Variants in ANKS1B observed in about 807,000 individuals in gnomAD.
ANKS1B encodes the protein ankyrin repeat and sterile alpha motif domain containing 1B.
A neutral mutation model predicts 148.3 loss-of-function variants in ANKS1B; 36 were observed. The observed-to-expected ratio is 0.24, with a 90% confidence interval of 0.19 to 0.32. ANKS1B has a LOEUF of 0.32. Ranked by LOEUF, ANKS1B falls within the 10% of genes least tolerant of loss-of-function variation. ANKS1B has a pLI of 1.00. For missense variants in ANKS1B, 1,157 were observed against 1,542.6 expected (o/e 0.75, Z 4.19); for synonymous variants, 542 against 560.8 (o/e 0.97, Z 0.47).
intron 12 of ANKS1B, among the ~76,000 whole-genome samples, chr12:99,392,748 A>G (rs2094117269): frequency 6.6e-6 from 1 of 152,162 alleles, no homozygotes; most frequent in Admixed American, 6.5e-5. Flanking sequence ...ATTCACTCAC[A>G]ATAGGCTGAG....
chr12:98,993,689 T>C (rs1345726060), intron 17 of ANKS1B, among the ~76,000 whole-genome samples: 2 of 152,210 alleles, frequency 1.3e-5, no homozygotes, highest in African/African-American at 2.4e-5. Flanking sequence ...TTATTCTTCA[T>C]GTGTGATATA....
intron 15 of ANKS1B, among the ~76,000 whole-genome samples, chr12:99,120,962 AGCGTATC>A (rs2062653036): frequency 6.6e-6 from 1 of 152,210 alleles, no homozygotes; most frequent in Non-Finnish European, 1.5e-5. Context: ...GGGCTAGTAA[AGCGTATC>A]GCATATTAAG....
At chr12:99,073,642 C>G (rs1181149799) in intron 16 of ANKS1B, among the ~76,000 whole-genome samples, 1 of 152,092 alleles carries the variant, frequency 6.6e-6, no homozygotes, top group Non-Finnish European at 1.5e-5. Context: ...CTGCTGCAAC[C>G]CTTCCTTCTA....
chr12:99,313,250 C>CA (rs1038831574), intron 12 of ANKS1B, among the ~76,000 whole-genome samples: 48 of 152,036 alleles, frequency 3.2e-4, no homozygotes, highest in African/African-American at 1.2e-3. Flanking sequence ...AGACCAATAA[C>CA]AGTTTGAAAT....
chr12:99,931,378 GA>G (rs1171782882), intron 1 of ANKS1B, among the ~76,000 whole-genome samples: 1 of 151,822 alleles, frequency 6.6e-6, no homozygotes, highest in Non-Finnish European at 1.5e-5. Flanking sequence ...ATGACAGAGG[GA>G]TTACCAAAAC....
intron 17 of ANKS1B, among the ~76,000 whole-genome samples, chr12:98,841,689 G>A (rs1283070686): frequency 2.0e-5 from 3 of 151,984 alleles, no homozygotes; most frequent in Non-Finnish European, 2.9e-5. Context: ...AGGATGTTAA[G>A]GTTAAAAGAA....
At chr12:98,821,830 A>C in intron 19 of ANKS1B, among the ~76,000 whole-genome samples, 1 of 148,568 alleles carries the variant, frequency 6.7e-6, no homozygotes, top group Non-Finnish European at 1.5e-5. Flanking sequence ...CTGGTCTTGA[A>C]CTCCTGGCCT....
chr12:99,723,393 C>T lies in ANKS1B; in HGVS notation c.1128+49529G>A, dbSNP rs2058298240. The stretch of plus-strand genomic sequence containing the variant: ...GCTGTGGCAGACTGTGGCCAGAGTG[C>T]CTCTTCAGGCCTGACACTGACCCAT... On this transcript the variant is annotated intron_variant, in intron 8 of 26. Transcript: ENST00000683438. Among the ~76,000 whole-genome samples the T allele has an allele frequency of 5.3e-5, 8 of 152,244 alleles. No individual in the cohort carries two copies. In the South Asian group the frequency reaches 1.7e-3, roughly 32 times the overall value.
At chr12:99,780,429 C>T (rs1175576760) in intron 5 of ANKS1B, among the ~76,000 whole-genome samples, 2 of 145,510 alleles carry the variant, frequency 1.4e-5, no homozygotes, top group Non-Finnish European at 3.0e-5. Context: ...GTGCCCACCA[C>T]CATGCCCAAC....
At chr12:99,791,047 C>T (rs1440146061) in intron 4 of ANKS1B, among the ~76,000 whole-genome samples, 6 of 151,834 alleles carry the variant, frequency 4.0e-5, no homozygotes, top group Non-Finnish European at 8.8e-5. Context: ...TTACCTATAA[C>T]GATACACACA....
chr12:98,941,147 T>A (rs1201115027), intron 17 of ANKS1B, among the ~76,000 whole-genome samples: 1 of 152,208 alleles, frequency 6.6e-6, no homozygotes, highest in African/African-American at 2.4e-5. Context: ...TTTATATGTG[T>A]TTCTGTTTAA....
chr12:98,742,994 G>A (rs1233228993), downstream of ANKS1B, among the ~76,000 whole-genome samples: 1 of 152,158 alleles, frequency 6.6e-6, no homozygotes, highest in East Asian at 1.9e-4. Flanking sequence ...AGAGAACTTA[G>A]AAAGTTATTT....
intron 1 of ANKS1B, among the ~76,000 whole-genome samples, chr12:99,870,076 T>A (rs1303812008): frequency 6.6e-6 from 1 of 152,184 alleles, no homozygotes; most frequent in Non-Finnish European, 1.5e-5. Flanking sequence ...CGATAGTTTT[T>A]CAACTCTTGC....
intron 1 of ANKS1B, among the ~76,000 whole-genome samples, chr12:99,963,188 C>CCACTTTCT (rs1304523058): frequency 6.6e-6 from 1 of 152,102 alleles, no homozygotes; most frequent in African/African-American, 2.4e-5. Context: ...TATCCTTTGC[C>CCACTTTCT]CACTTTCTGA....
At chr12:99,256,383 G>T (rs1458655440) in intron 12 of ANKS1B, among the ~76,000 whole-genome samples, 1 of 152,024 alleles carries the variant, frequency 6.6e-6, no homozygotes, top group Non-Finnish European at 1.5e-5. Context: ...ATTGTTGTCA[G>T]TGTTTTAATT....
intron 1 of ANKS1B, among the ~76,000 whole-genome samples, chr12:99,976,496 A>C (rs1417756782): frequency 6.6e-6 from 1 of 152,154 alleles, no homozygotes; most frequent in Admixed American, 6.5e-5. Context: ...GTGGTGTGGG[A>C]AATAGAAACA....
intron 8 of ANKS1B, among the ~76,000 whole-genome samples, chr12:99,684,416 A>C (rs998550323): frequency 2.0e-5 from 3 of 151,950 alleles, no homozygotes; most frequent in Non-Finnish European, 4.4e-5. Flanking sequence ...AATACATCTA[A>C]CCAAAGAGGT....
intron 1 of ANKS1B, among the ~76,000 whole-genome samples, chr12:99,953,911 T>C (rs1331364319): frequency 6.6e-6 from 1 of 152,158 alleles, no homozygotes; most frequent in Non-Finnish European, 1.5e-5. Context: ...GAATGAAATT[T>C]ATAGAGAGTG....
At chr12:99,891,450 G>A (rs2093104365) in intron 1 of ANKS1B, among the ~76,000 whole-genome samples, 2 of 152,134 alleles carry the variant, frequency 1.3e-5, no homozygotes, top group East Asian at 1.9e-4. Flanking sequence ...GAACTCCTGG[G>A]CTCAAGCAAT....
Sources: allele counts gnomAD v4.1 joint callset (sites outside exome capture counted in the v4.1 genomes callset), GRCh38; gene constraint gnomAD v4.1.1; transcripts MANE v1.5; gene names NCBI Gene and HGNC (gene_info 2026-07-23, HGNC 2026-07-21).